The following TBC1D13 variants were observed in gnomAD, a reference collection of about 807,000 sequenced individuals.
TBC1D13 encodes the protein TBC1 domain family member 13.
Under a neutral mutation model 53.6 loss-of-function variants are expected in TBC1D13, and 40 were observed. The observed-to-expected ratio is 0.75, with a 90% CI of 0.58 to 0.97. TBC1D13 has a LOEUF of 0.97. Among genes scored for constraint, TBC1D13 ranks in the 50% least tolerant of loss-of-function variants. The pLI is 0.00. For synonymous variants in TBC1D13, 182 were observed against 197.7 expected, an observed-to-expected ratio of 0.92 and a Z score of 0.67; for missense variants, 377 against 499.4, an observed-to-expected ratio of 0.75 and a Z score of 2.34.
chr9:128,802,621 T>A (rs1829756755), intron 7 of TBC1D13, among the ~76,000 whole-genome samples: 1 of 152,226 alleles, frequency 6.6e-6, no homozygotes, highest in Non-Finnish European at 1.5e-5. Context: ...TTCCTCATGG[T>A]GGCGTTTGAC....
intron 6 of TBC1D13, among the ~76,000 whole-genome samples, chr9:128,794,755 A>T (rs1303535978): frequency 2.0e-5 from 3 of 151,658 alleles, no homozygotes; most frequent in East Asian, 3.9e-4. Flanking sequence ...CATTACAGGC[A>T]TGAGACACCA....
In TBC1D13 at chr9:128,805,870, C is replaced by G. The variant is rs1352036431; in HGVS notation, c.930C>G (p.Asn310Lys). ...CGCTGTCTCCCCAGCAAGAGCAGAACATCAAGCCTCAGTTCTTTGCCTTCC... is the reference window on the plus strand; with the variant it reads ...CGCTGTCTCCCCAGCAAGAGCAGAAGATCAAGCCTCAGTTCTTTGCCTTCC... ...VELYLKLQEQ[N>K]IKPQFFAFRW... Residue 310 changes from asparagine to lysine, a missense_variant, in exon 10 of 12, where the codon AAC (asparagine) becomes AAG (lysine). Asn to Lys is a moderately conservative substitution (Grantham distance 94). Transcript: ENST00000372648. The G allele has an allele frequency of 6.2e-7, 1 of 1,613,760 alleles. No homozygotes were observed. Among genetic ancestry groups the G allele is most frequent in the Admixed American group, 1.7e-5 (1 of 60,008 alleles).
At chr9:128,805,558 T>G in intron 9 of TBC1D13, among the ~76,000 whole-genome samples, 1 of 152,244 alleles carries the variant, frequency 6.6e-6, no homozygotes, top group East Asian at 1.9e-4. Flanking sequence ...GGCTATCATC[T>G]GCAAAGTGTG....
intron 7 of TBC1D13, among the ~76,000 whole-genome samples, chr9:128,801,217 G>A (rs1200695892): frequency 6.6e-6 from 1 of 151,614 alleles, no homozygotes; most frequent in Non-Finnish European, 1.5e-5. Flanking sequence ...AGCACATCTG[G>A]GAAGATTAAC....
At chr9:128,802,222 A>AT (rs571678615) in intron 7 of TBC1D13, among the ~76,000 whole-genome samples, 3 of 145,446 alleles carry the variant, frequency 2.1e-5, no homozygotes, top group African/African-American at 7.4e-5. Context: ...CGCCTGGCTA[A>AT]TTTTTTTGTA....
intron 7 of TBC1D13, among the ~76,000 whole-genome samples, chr9:128,798,411 G>A (rs971796025): frequency 6.6e-6 from 1 of 152,196 alleles, no homozygotes; most frequent in African/African-American, 2.4e-5. Flanking sequence ...GCCACTTGGG[G>A]CCTTTGTCAT....
intron 3 of TBC1D13, 129 bp from the exon 4 acceptor site, chr9:128,791,251 C>T: frequency 2.2e-6 from 2 of 906,236 alleles, no homozygotes; most frequent in Non-Finnish European, 3.6e-6. Flanking sequence ...GCTGGCATTC[C>T]TGGATTTTAG....
chr9:128,787,445 G>GGGGGAAGCGCGGGTGTGGC, intron 1 of TBC1D13, 69 bp downstream of exon 1: 2 of 1,244,634 alleles, frequency 1.6e-6, no homozygotes, highest in Non-Finnish European at 2.0e-6. Flanking sequence ...CCCCTCAGAA[G>GGGGGAAGCGCGGGTGTGGC]GGGGAAGCGC....
intron 5 of TBC1D13, among the ~76,000 whole-genome samples, chr9:128,792,152 AATTC>A (rs1829544790): frequency 6.6e-6 from 1 of 152,196 alleles, no homozygotes; most frequent in East Asian, 1.9e-4. Context: ...GAAGAAACCA[AATTC>A]ATTCATTCAG....
At chr9:128,787,844 T>C (rs1299306778) in intron 1 of TBC1D13, among the ~76,000 whole-genome samples, 1 of 152,144 alleles carries the variant, frequency 6.6e-6, no homozygotes, top group East Asian at 1.9e-4. Context: ...CAGGACGTGT[T>C]TTTTAAACCC....
chr9:128,796,796 C>T (rs1234906779), intron 6 of TBC1D13, among the ~76,000 whole-genome samples: 1 of 151,704 alleles, frequency 6.6e-6, no homozygotes, highest in East Asian at 2.0e-4. Flanking sequence ...ATTAGCCGGG[C>T]GTGGTGGTGG....
rs1342415054 is a variant in TBC1D13 at position 128,797,116 on chromosome 9, C to G, written c.445C>G (p.Leu149Val). 2 of 1,614,076 alleles carry G rather than the reference C, an allele frequency of 1.2e-6. No homozygotes were observed. Among genetic ancestry groups the G allele is most frequent in the Non-Finnish European group, 1.7e-6 (2 of 1,180,026 alleles). ...CACTGACTACCCTTGCCTCCTCATC[C>G]TGGACCCCCAGAATGAGTTTGAAAC... ...RATDYPCLLI[L>V]DPQNEFETLR... Residue 149 changes from leucine to valine, a missense_variant, in exon 7 of 12, where the codon CTG becomes GTG. Physicochemically the swap from Leu to Val is conservative, Grantham distance 32. Coordinates refer to ENST00000372648, the MANE Select transcript of TBC1D13 (RefSeq NM_018201.5).
At chr9:128,787,642 A>AC (rs1589563376) in intron 1 of TBC1D13, among the ~76,000 whole-genome samples, 1 of 82,632 alleles carries the variant, frequency 1.2e-5, no homozygotes, top group African/African-American at 4.8e-5. Flanking sequence ...CCTCATCCAG[A>AC]CCCCCATGCC....
At chr9:128,801,296 G>GT (rs1829728775) in intron 7 of TBC1D13, among the ~76,000 whole-genome samples, 1 of 152,112 alleles carries the variant, frequency 6.6e-6, no homozygotes, top group Non-Finnish European at 1.5e-5. Flanking sequence ...GGTGCCAGTG[G>GT]TATCTTTGGA....
At chr9:128,795,400 G>C (rs1326788782) in intron 6 of TBC1D13, among the ~76,000 whole-genome samples, 2 of 140,914 alleles carry the variant, frequency 1.4e-5, no homozygotes, top group Non-Finnish European at 3.1e-5. Flanking sequence ...TTTTAGTAGA[G>C]ATGGGGTTTC....
intron 9 of TBC1D13, among the ~76,000 whole-genome samples, 181 bp from the exon 10 acceptor site, chr9:128,805,678 G>C (rs1829817799): frequency 6.6e-6 from 1 of 152,212 alleles, no homozygotes; most frequent in African/African-American, 2.4e-5. Flanking sequence ...TTGGCTGGCA[G>C]CAAACAGGCT....
At position 128,808,286 on chromosome 9, in the gene TBC1D13, G is replaced by A. The variant is rs755053594; in HGVS notation, c.*407G>A. ...ATGGGCCAGAAACCGCTTCTGAGCGGGGCACTTCGGCTGCTCCACAGGGAA... is the reference window on the plus strand; with the variant it reads ...ATGGGCCAGAAACCGCTTCTGAGCGAGGCACTTCGGCTGCTCCACAGGGAA... On this transcript the variant is annotated 3_prime_UTR_variant, in exon 12 of 12. Coordinates refer to ENST00000372648, the MANE Select transcript of TBC1D13 (RefSeq NM_018201.5). 5.1e-5 allele frequency: 12 copies of A among 236,084 alleles called. No homozygotes were observed. Among genetic ancestry groups the A allele is most frequent in the Admixed American group, 1.4e-4 (3 of 21,504 alleles). The allele number at this position is 236,084 out of a possible 1,614,324, so 14.6% of individuals were successfully genotyped here.
chr9:128,791,703 G>A lies in TBC1D13; in HGVS notation c.300+10G>A. ...GACTTTTGAGGACCATGTGAGTAGA[G>A]GTTGACAGCGGAGACCCAGGATACA... On this transcript the variant is annotated intron_variant, in intron 5 of 11. Coordinates refer to ENST00000372648, the MANE Select transcript of TBC1D13 (RefSeq NM_018201.5). 3 of 1,612,386 alleles carry A rather than the reference G, an allele frequency of 1.9e-6. No homozygotes were observed. Among genetic ancestry groups the A allele is most frequent in the Non-Finnish European group, 2.5e-6 (3 of 1,178,504 alleles).
chr9:128,804,164 A>G lies in TBC1D13; in HGVS notation c.918+45A>G, dbSNP rs370649829. On this transcript the variant is annotated intron_variant, in intron 9 of 11. Coordinates refer to ENST00000372648, the MANE Select transcript of TBC1D13 (RefSeq NM_018201.5). ...ACGGGTGGAAAGGGACAGGAGGCAG[A>G]GAGTTGCTGTGCCATCCCAGCCCAG... 3.0e-5 allele frequency: 48 copies of G among 1,601,432 alleles called. No individual in the cohort carries two copies. The African/African-American group carries it at 6.0e-4, about 20-fold the overall frequency.
Sources: gnomAD v4.1 joint callset for allele counts (sites outside exome capture counted in the v4.1 genomes callset) on GRCh38, gnomAD v4.1.1 for gene constraint, MANE v1.5 for transcripts, NCBI Gene and HGNC (gene_info 2026-07-23, HGNC 2026-07-21) for gene names.